The following SYTL5 variants were observed in gnomAD, a reference collection of about 807,000 sequenced individuals.
SYTL5 encodes synaptotagmin like 5.
Under a neutral mutation model 55.9 loss-of-function variants are expected in SYTL5, and 34 were observed. The observed-to-expected ratio is 0.61, with a 90% CI of 0.46 to 0.81. SYTL5 has a LOEUF of 0.81. Among genes scored for constraint, SYTL5 ranks in the 30% least tolerant of loss-of-function variants. The pLI is 0.00. For synonymous variants in SYTL5, 221 were observed against 188.7 expected, an observed-to-expected ratio of 1.17 and a Z score of -1.40; for missense variants, 637 against 546.7, an observed-to-expected ratio of 1.17 and a Z score of -1.65.
intron 3 of SYTL5, among the ~76,000 whole-genome samples, chrX:38,068,317 T>C (rs1936158328): frequency 1.8e-5 from 2 of 112,276 alleles, no homozygotes; most frequent in Non-Finnish European, 3.8e-5. Flanking sequence ...GCTTATACAT[T>C]GTTGGTGGGA....
chrX:37,894,948 A>G, the SYTL5 span, among the ~76,000 whole-genome samples: 3 of 111,438 alleles, frequency 2.7e-5, no homozygotes, highest in African/African-American at 9.8e-5. Context: ...TGACTGAGTT[A>G]TACCACCAGC....
chrX:37,903,598 T>C, the SYTL5 span, among the ~76,000 whole-genome samples: 1 of 104,635 alleles, frequency 9.6e-6, no homozygotes, highest in Non-Finnish European at 2.0e-5. Flanking sequence ...ATACCTAATG[T>C]TAAATGACGA....
chrX:37,919,658 G>A, the SYTL5 span, among the ~76,000 whole-genome samples: 344 of 112,098 alleles, frequency 3.1e-3, 1 homozygote, highest in African/African-American at 0.011. Flanking sequence ...TCCACAAAAC[G>A]AAAAGGCTTT....
At chrX:38,104,811 T>C (rs1430111774) in intron 10 of SYTL5, among the ~76,000 whole-genome samples, 2 of 111,809 alleles carry the variant, frequency 1.8e-5, no homozygotes, top group Non-Finnish European at 3.8e-5. Context: ...ATACATAGTT[T>C]TCATTTCTAG....
At position 38,093,125 on chromosome X, in the gene SYTL5, C is replaced by G. The variant is rs369726084; in HGVS notation, c.832-1170C>G. Among the ~76,000 whole-genome samples, 41 of 111,935 alleles carry G rather than the reference C, an allele frequency of 3.7e-4. No individual in the cohort carries two copies. In the East Asian group the frequency reaches 0.011, roughly 29 times the overall value. ...CCTGATAAACTTTTCTTGTTTATGG[C>G]AATTAGAGGAAGTTAGGAGCTATAT... On this transcript the variant is annotated intron_variant, in intron 7 of 16. Coordinates refer to ENST00000297875, the MANE Select transcript of SYTL5 (RefSeq NM_138780.3).
At chrX:37,998,773 G>A in the SYTL5 span, among the ~76,000 whole-genome samples, 1 of 111,503 alleles carries the variant, frequency 9.0e-6, no homozygotes, top group Non-Finnish European at 1.9e-5. Context: ...ACACCCTAAA[G>A]ATCTCATAAC....
At chrX:38,061,975 CT>C (rs201212581) in intron 3 of SYTL5, among the ~76,000 whole-genome samples, 3 of 105,815 alleles carry the variant, frequency 2.8e-5, no homozygotes, top group East Asian at 2.9e-4. Flanking sequence ...TTCTTTTTTT[CT>C]TTTTTTTTTG....
chrX:37,897,767 C>T, the SYTL5 span, among the ~76,000 whole-genome samples: 1 of 111,308 alleles, frequency 9.0e-6, no homozygotes, highest in Non-Finnish European at 1.9e-5. Context: ...TTATTGTTCA[C>T]AGTTCTGGAG....
intron 2 of SYTL5, among the ~76,000 whole-genome samples, chrX:38,046,704 A>G (rs769237074): frequency 2.7e-5 from 3 of 111,804 alleles, no homozygotes; most frequent in Non-Finnish European, 5.6e-5. Context: ...AACTCATTTC[A>G]GCATTAACTC....
At chrX:37,917,689 C>T in the SYTL5 span, among the ~76,000 whole-genome samples, 72 of 112,023 alleles carry the variant, frequency 6.4e-4, no homozygotes, top group African/African-American at 2.1e-3. Flanking sequence ...TTATATCCCT[C>T]TTCAGCGGCA....
At chrX:38,100,009 T>C (rs1291670088) in intron 9 of SYTL5, among the ~76,000 whole-genome samples, 2 of 111,499 alleles carry the variant, frequency 1.8e-5, no homozygotes, top group Non-Finnish European at 3.8e-5. Flanking sequence ...TGGTTTATCA[T>C]GGATATTGGC....
the SYTL5 span, among the ~76,000 whole-genome samples, chrX:37,996,457 T>C: frequency 8.9e-6 from 1 of 112,360 alleles, no homozygotes; most frequent in Non-Finnish European, 1.9e-5. Flanking sequence ...CAGTGTCCTA[T>C]TGGGAGTGTG....
At chrX:38,080,889 C>G (rs1385804588) in intron 6 of SYTL5, among the ~76,000 whole-genome samples, 1 of 111,631 alleles carries the variant, frequency 9.0e-6, no homozygotes, top group African/African-American at 3.3e-5. Flanking sequence ...GTGTTTAACT[C>G]TGAGTCAGGA....
intron 2 of SYTL5, among the ~76,000 whole-genome samples, chrX:38,047,340 C>T (rs192805970): frequency 1.8e-5 from 2 of 113,026 alleles, no homozygotes; most frequent in Admixed American, 1.9e-4. Flanking sequence ...GTTCCCAAAC[C>T]CCAATTCTTG....
At chrX:37,892,495 T>C in the SYTL5 span, among the ~76,000 whole-genome samples, 2 of 100,542 alleles carry the variant, frequency 2.0e-5, no homozygotes, top group Non-Finnish European at 4.0e-5. Context: ...TACATATATA[T>C]GTATATAGTA....
chrX:37,925,418 G>T, the SYTL5 span, among the ~76,000 whole-genome samples: 2 of 111,173 alleles, frequency 1.8e-5, no homozygotes, highest in African/African-American at 6.5e-5. Context: ...GATTGCTGGA[G>T]CATATGATAG....
intron 1 of SYTL5, among the ~76,000 whole-genome samples, chrX:38,024,455 T>G (rs1392738149): frequency 1.8e-5 from 2 of 111,085 alleles, no homozygotes; most frequent in African/African-American, 6.6e-5. Flanking sequence ...TTTCAGGTAT[T>G]TCTTCATAGC....
Position 38,006,579 on chromosome X carries a change from G to T in SYTL5, c.-446G>T, listed in dbSNP as rs1047126299. 9.0e-6 allele frequency: 1 copy of T among 111,713 alleles called. No homozygotes were observed. The highest frequency in any genetic ancestry group is 1.9e-5 in the Non-Finnish European group (1 of 52,975). 9.2% of individuals were successfully genotyped at this position (111,713 alleles called of 1,213,427 possible). On this transcript the variant is annotated 5_prime_UTR_variant, in exon 1 of 17. Coordinates refer to ENST00000297875, the MANE Select transcript of SYTL5 (RefSeq NM_138780.3). Reference sequence around the variant, plus strand: ...GTTTTTCAAGTTCCTGCTCCAAGTAGTTCACAAGGGTCAAGTAGTCCAGCA... The same window carrying T: ...GTTTTTCAAGTTCCTGCTCCAAGTATTTCACAAGGGTCAAGTAGTCCAGCA...
At chrX:38,094,505 G>A (rs749154485) in intron 8 of SYTL5, 81 bp downstream of exon 8, 1,134 of 1,017,364 alleles carry the variant, frequency 1.1e-3, no homozygotes, top group Non-Finnish European at 1.4e-3. Context: ...GGTATTAAGT[G>A]GATGTTTCAT....
Sources: allele counts gnomAD v4.1 joint callset (sites outside exome capture counted in the v4.1 genomes callset), GRCh38; gene constraint gnomAD v4.1.1; transcripts MANE v1.5; gene names NCBI Gene and HGNC (gene_info 2026-07-23, HGNC 2026-07-21).